MACROH2A1: variants seen among roughly 807,000 people sequenced by gnomAD.
MACROH2A1 encodes macroH2A.1 histone, also known as core histone macro-H2A.1.
In MACROH2A1, 2 loss-of-function variants were observed where a neutral mutation model predicts 31.6. The observed-to-expected ratio is 0.06, with a 90% CI of 0.03 to 0.20. The LOEUF (loss-of-function observed/expected upper bound fraction) is 0.20. Ranked by LOEUF, MACROH2A1 falls within the 10% of genes least tolerant of loss-of-function variation. The pLI is 1.00. For synonymous variants in MACROH2A1, 169 were observed against 189.6 expected, an observed-to-expected ratio of 0.89 and a Z score of 0.89; for missense variants, 230 against 474.0, an observed-to-expected ratio of 0.49 and a Z score of 4.78.
chr5:135,365,836 T>C (rs1338699494), intron 4 of MACROH2A1, among the ~76,000 whole-genome samples: 1 of 152,218 alleles, frequency 6.6e-6, no homozygotes, highest in Non-Finnish European at 1.5e-5. Flanking sequence ...ACAGTTACTG[T>C]TTGTCAGAAT....
At chr5:135,358,867 AAAGG>A in intron 5 of MACROH2A1, 1 of 985,088 alleles carries the variant, frequency 1.0e-6, no homozygotes, top group Non-Finnish European at 1.2e-6. Flanking sequence ...ATGTATCTGA[AAAGG>A]AAGAGTTGAG....
intron 8 of MACROH2A1, among the ~76,000 whole-genome samples, chr5:135,336,729 C>T (rs1581100001): frequency 6.6e-6 from 1 of 152,330 alleles, no homozygotes; most frequent in East Asian, 1.9e-4. Context: ...ATTCCTCTGG[C>T]ACCAGTGCTG....
At chr5:135,351,113 TTTAAA>T (rs928135054) in intron 6 of MACROH2A1, 4 of 459,632 alleles carry the variant, frequency 8.7e-6, no homozygotes, top group Admixed American at 3.8e-5. Flanking sequence ...ATGTGACATG[TTTAAA>T]TTAAACATTT....
At chr5:135,343,476 C>T (rs1760270820) in intron 7 of MACROH2A1, 42 bp from the exon 8 acceptor site, 1 of 1,606,200 alleles carries the variant, frequency 6.2e-7, no homozygotes, top group Non-Finnish European at 8.5e-7. Flanking sequence ...AGCTCTGGTT[C>T]ACTGCAAAGC....
intron 6 of MACROH2A1, chr5:135,351,003 C>G: frequency 1.2e-6 from 1 of 847,110 alleles, no homozygotes; most frequent in Non-Finnish European, 1.9e-6. Context: ...CAGGGCTGGC[C>G]TACCTGGTCG....
At chr5:135,360,341 C>A in intron 5 of MACROH2A1, 156 bp downstream of exon 5, 1 of 615,246 alleles carries the variant, frequency 1.6e-6, no homozygotes, top group Non-Finnish European at 2.9e-6. Context: ...CAGCATCTAG[C>A]CCTCCCTGAG....
At chr5:135,357,581 A>T in intron 5 of MACROH2A1, 1 of 212,522 alleles carries the variant, frequency 4.7e-6, no homozygotes, top group Non-Finnish European at 8.1e-6. Context: ...AAGGAAACTT[A>T]AATCATTTAC....
intron 1 of MACROH2A1, among the ~76,000 whole-genome samples, chr5:135,391,914 C>T (rs1206966921): frequency 6.6e-6 from 1 of 152,214 alleles, no homozygotes; most frequent in African/African-American, 2.4e-5. Flanking sequence ...GCTCTGCCTA[C>T]TCTGATGATT....
chr5:135,375,500 T>A (rs1218255337), intron 2 of MACROH2A1, among the ~76,000 whole-genome samples: 1 of 152,168 alleles, frequency 6.6e-6, no homozygotes, highest in African/African-American at 2.4e-5. Flanking sequence ...CTAAAACATA[T>A]CTGTTGTATT....
intron 5 of MACROH2A1, chr5:135,359,554 A>G: frequency 6.1e-6 from 6 of 983,872 alleles, no homozygotes; most frequent in Non-Finnish European, 7.2e-6. Context: ...CATGAGAGAG[A>G]GTGCAATTAG....
intron 7 of MACROH2A1, 90 bp downstream of exon 7, chr5:135,345,878 C>T (rs1167104306): frequency 1.2e-5 from 10 of 841,158 alleles, no homozygotes; most frequent in South Asian, 4.1e-5. Flanking sequence ...TGCTGCCACA[C>T]ACCTCTGAAT....
chr5:135,349,251 T>A (rs1761221445), intron 6 of MACROH2A1, among the ~76,000 whole-genome samples: 2 of 152,202 alleles, frequency 1.3e-5, no homozygotes, highest in Non-Finnish European at 2.9e-5. Flanking sequence ...CACTCCCAGC[T>A]ATGACAAAGA....
rs1247216549 is a variant in MACROH2A1, at chr5:135,398,359, T to TA, written c.-34+702dup. Among the ~76,000 whole-genome samples the TA allele has an allele frequency of 6.6e-6, 1 of 151,952 alleles. No homozygotes were observed. The highest frequency in any genetic ancestry group is 1.5e-5 in the Non-Finnish European group (1 of 67,976). ...CCTACAGCCTTCCGGAGTTACCTTT[T>TA]AAAAAAAGCAAACCCTTCCTACCAC... On this transcript the variant is annotated intron_variant, in intron 1 of 8. Coordinates refer to ENST00000511689, the MANE Select transcript of MACROH2A1 (RefSeq NM_138610.3). The surrounding 1 kb of genome is among the most constrained non-coding windows in gnomAD (Gnocchi z 4.6).
chr5:135,384,518 G>A (rs1581335321), intron 2 of MACROH2A1, among the ~76,000 whole-genome samples: 1 of 152,216 alleles, frequency 6.6e-6, no homozygotes, highest in African/African-American at 2.4e-5. Flanking sequence ...GTCAGGAGCT[G>A]GCTCCATAAA....
At chr5:135,383,976 T>C (rs971562873) in intron 2 of MACROH2A1, among the ~76,000 whole-genome samples, 2 of 152,182 alleles carry the variant, frequency 1.3e-5, no homozygotes, top group African/African-American at 4.8e-5. Context: ...TGTCCTCTTC[T>C]TCCTGCTCTA....
At chr5:135,346,127 A>C in intron 6 of MACROH2A1, 70 bp from the exon 7 acceptor site, 1 of 883,420 alleles carries the variant, frequency 1.1e-6, no homozygotes, top group East Asian at 2.4e-5. Context: ...TTAGCATGTC[A>C]GGTGATTACA....
At chr5:135,396,085 C>A (rs550659456) in intron 1 of MACROH2A1, among the ~76,000 whole-genome samples, 1 of 152,162 alleles carries the variant, frequency 6.6e-6, no homozygotes, top group African/African-American at 2.4e-5. Context: ...ATGCGCTTCC[C>A]GAGATGCACT....
intron 2 of MACROH2A1, among the ~76,000 whole-genome samples, chr5:135,385,300 G>C (rs1172398885): frequency 6.6e-6 from 1 of 152,242 alleles, no homozygotes; most frequent in African/African-American, 2.4e-5. Context: ...GCATTCTCCA[G>C]AAAGCATTTC....
intron 2 of MACROH2A1, among the ~76,000 whole-genome samples, chr5:135,374,094 C>T (rs1764540760): frequency 6.6e-6 from 1 of 152,084 alleles, no homozygotes; most frequent in African/African-American, 2.4e-5. Context: ...GGAGGGTGCC[C>T]GACTTAACAA....
Sources: allele counts gnomAD v4.1 joint callset (sites outside exome capture counted in the v4.1 genomes callset), GRCh38; gene constraint gnomAD v4.1.1; non-coding constraint Gnocchi (gnomAD v3.1); transcripts MANE v1.5; gene names NCBI Gene and HGNC (gene_info 2026-07-23, HGNC 2026-07-21).